Variants in CACNA1C observed in about 807,000 individuals in gnomAD.
The protein encoded by CACNA1C is calcium voltage-gated channel subunit alpha1 C.
In CACNA1C, 30 loss-of-function variants were observed where a neutral mutation model predicts 229.0. That is an observed-to-expected ratio of 0.13 (90% CI 0.10 to 0.18). The LOEUF (loss-of-function observed/expected upper bound fraction) is 0.18, where lower values mean the gene tolerates loss of function less well. CACNA1C is among the 10% of genes least tolerant of loss of function. CACNA1C has a pLI of 1.00. For synonymous variants in CACNA1C, 1,114 were observed against 1,132.5 expected (o/e 0.98, Z 0.33); for missense variants, 1,658 against 2,845.0 (o/e 0.58, Z 9.49).
intron 3 of CACNA1C, among the ~76,000 whole-genome samples, chr12:2,276,934 C>G (rs1007521103): frequency 6.6e-6 from 1 of 152,102 alleles, no homozygotes; most frequent in African/African-American, 2.4e-5. Context: ...GACATAAACT[C>G]TAGCTACTCC....
At chr12:2,557,070 G>T in intron 11 of CACNA1C, 93 bp downstream of exon 11, 1 of 989,750 alleles carries the variant, frequency 1.0e-6, no homozygotes, top group Non-Finnish European at 1.6e-6. Context: ...CCTACAAGTT[G>T]CCAGTAGTGT....
intron 3 of CACNA1C, among the ~76,000 whole-genome samples, chr12:2,177,587 C>CCCTCCCTCCCTCCCTCCCTCCCT (rs750852324): frequency 7.6e-5 from 6 of 78,524 alleles, no homozygotes; most frequent in African/African-American, 3.6e-4. Context: ...CTCCCTCCCT[C>CCCTCCCTCCCTCCCTCCCTCCCT]CCTTCCTTCC....
intron 3 of CACNA1C, among the ~76,000 whole-genome samples, chr12:2,247,220 C>G (rs963487409): frequency 7.2e-5 from 11 of 152,124 alleles, no homozygotes; most frequent in African/African-American, 2.7e-4. Context: ...TAACCTTGCT[C>G]TCTCTATATG....
chr12:2,697,746 G>C lies in CACNA1C; in HGVS notation c.*6547G>C, dbSNP rs1014619133. On this transcript the variant is annotated 3_prime_UTR_variant, in exon 47 of 47. Coordinates refer to ENST00000399655, the MANE Select transcript of CACNA1C (RefSeq NM_000719.7). ...AAATAATCCCATTGTCAGAGGCCTC[G>C]CCTGATGGGCCTTCTCACCCTCGAG... The C allele has an allele frequency of 2.0e-5, 3 of 152,244 alleles. No individual in the cohort carries two copies. The highest frequency in any genetic ancestry group is 4.4e-5 in the Non-Finnish European group (3 of 68,026). 9.4% of individuals were successfully genotyped at this position (152,244 alleles called of 1,614,324 possible).
rs1049198507 is a variant in CACNA1C, at chr12:2,692,892, T to A, written c.*1693T>A. The A allele has an allele frequency of 6.6e-6, 1 of 152,646 alleles. No homozygotes were observed. Among genetic ancestry groups the A allele is most frequent in the African/African-American group, 2.4e-5 (1 of 41,454 alleles). 9.5% of individuals were successfully genotyped at this position (152,646 alleles called of 1,614,324 possible). On this transcript the variant is annotated 3_prime_UTR_variant, in exon 47 of 47. Transcript: ENST00000399655. ...GTTTTCGGATTCACTTCTTGTATAT[T>A]TTGCTGCATGTAAAGTAAATCATTT...
intron 1 of CACNA1C, among the ~76,000 whole-genome samples, chr12:2,000,233 T>G (rs1184953342): frequency 6.6e-6 from 1 of 152,210 alleles, no homozygotes; most frequent in East Asian, 1.9e-4. Flanking sequence ...ATTACATTGT[T>G]AGGAAACTGA....
Position 2,181,170 on chromosome 12 carries a change from G to A in CACNA1C, c.477+60740G>A, listed in dbSNP as rs550071909. Among the ~76,000 whole-genome samples, 48 of 152,226 alleles carry A rather than the reference G, an allele frequency of 3.2e-4. No individual in the cohort carries two copies. The highest frequency in any genetic ancestry group is 2.1e-3 in the East Asian group (11 of 5,188). Reference sequence around the variant, plus strand: ...TGGACAGGAGAGCCCAGTCCGTGACGGCGGTAACAATGATCATTACTACCT... The same window carrying A: ...TGGACAGGAGAGCCCAGTCCGTGACAGCGGTAACAATGATCATTACTACCT... On this transcript the variant is annotated intron_variant, in intron 3 of 46. Transcript: ENST00000399655. This position sits in a 1 kb window ranked among gnomAD's most constrained non-coding sequence, Gnocchi z 4.0.
intron 3 of CACNA1C, among the ~76,000 whole-genome samples, chr12:2,270,177 C>A (rs1001934269): frequency 1.3e-5 from 2 of 152,198 alleles, no homozygotes; most frequent in East Asian, 3.9e-4. Context: ...TCTTGTTTAG[C>A]CAACTCTAGA....
Position 2,348,611 on chromosome 12 carries a change from C to T in CACNA1C, c.478-100365C>T, listed in dbSNP as rs966698501. ...TTAAGGCCTGGTTATGTTTAGAAGC[C>T]GTCCAGAGAATGTTTGGCATGCTGA... On this transcript the variant is annotated intron_variant, in intron 3 of 46. Transcript: ENST00000399655. The surrounding 1 kb of genome is among the most constrained non-coding windows in gnomAD (Gnocchi z 4.7). 3.9e-5 allele frequency among the ~76,000 whole-genome samples: 6 copies of T among 152,116 alleles called. No homozygotes were observed. The highest frequency in any genetic ancestry group is 1.3e-4 in the Admixed American group (2 of 15,272).
rs2096951713 is a variant in CACNA1C, at chr12:2,678,693, G to A, written c.5092-751G>A. 6.6e-6 allele frequency among the ~76,000 whole-genome samples: 1 copy of A among 152,156 alleles called. No homozygotes were observed. The highest frequency in any genetic ancestry group is 1.5e-5 in the Non-Finnish European group (1 of 68,022). Reference sequence around the variant, plus strand: ...TCCTCATCCTTATTCTTGTCACTGGGAGACATTCGTCACTGAGTGGCCTCA... The same window carrying A: ...TCCTCATCCTTATTCTTGTCACTGGAAGACATTCGTCACTGAGTGGCCTCA... On this transcript the variant is annotated intron_variant, in intron 41 of 46. Transcript: ENST00000399655. The surrounding 1 kb of genome is among the most constrained non-coding windows in gnomAD (Gnocchi z 4.1).
In CACNA1C at chr12:2,504,763, T is replaced by C; in HGVS notation, c.1114-79T>C. The C allele has an allele frequency of 1.1e-6, 1 of 903,886 alleles. No individual in the cohort carries two copies. The allele number at this position is 903,886 out of a possible 1,614,324, so 56.0% of individuals were successfully genotyped here. A position where few individuals can be genotyped will look rare whatever the true frequency, so the allele number is the denominator to read the frequency against. On this transcript the variant is annotated intron_variant, in intron 7 of 46. Transcript: ENST00000399655. The surrounding 1 kb of genome is among the most constrained non-coding windows in gnomAD (Gnocchi z 6.8). ...CGGATCCTGGCGCTGCGTGGGTCAG[T>C]GTCTCGGGAGCCGGGGACCGGCACT...
chr12:2,679,813 C>T lies in CACNA1C; in HGVS notation c.5444+17C>T. 6.6e-7 allele frequency: 1 copy of T among 1,517,980 alleles called. No homozygotes were observed. 94.0% of individuals were successfully genotyped at this position (1,517,980 alleles called of 1,614,324 possible). A position where few individuals can be genotyped will look rare whatever the true frequency, so the allele number is the denominator to read the frequency against. ...CTCCAACAGGTAAGTGGGAGGCTGG[C>T]CACCCCAGGCGGCACACAGGGCCCA... On this transcript the variant is annotated intron_variant, in intron 42 of 46. Transcript: ENST00000399655. This position sits in a 1 kb window ranked among gnomAD's most constrained non-coding sequence, Gnocchi z 5.5.
Position 2,691,262 on chromosome 12 carries a change from G to T in CACNA1C, c.*63G>T. 1 of 1,432,900 alleles carries T rather than the reference G, an allele frequency of 7.0e-7. No individual in the cohort carries two copies. The highest frequency in any genetic ancestry group is 9.3e-7 in the Non-Finnish European group (1 of 1,077,772). The allele number at this position is 1,432,900 out of a possible 1,614,324, so 88.8% of individuals were successfully genotyped here. A position where few individuals can be genotyped will look rare whatever the true frequency, so the allele number is the denominator to read the frequency against. ...CAATGTTCCTAATGGGTTCGTTTCA[G>T]AAGTGCCTCACTGTTCTCGTGACCT... On this transcript the variant is annotated 3_prime_UTR_variant, in exon 47 of 47. Coordinates refer to ENST00000399655, the MANE Select transcript of CACNA1C (RefSeq NM_000719.7).
At chr12:2,213,813 G>A (rs968855193) in intron 3 of CACNA1C, among the ~76,000 whole-genome samples, 3 of 152,218 alleles carry the variant, frequency 2.0e-5, no homozygotes, top group Non-Finnish European at 4.4e-5. Context: ...CTCTCTTCAC[G>A]GATGGGCTGC....
chr12:2,197,326 C>T (rs982905188), intron 3 of CACNA1C, among the ~76,000 whole-genome samples: 1 of 152,186 alleles, frequency 6.6e-6, no homozygotes, highest in Non-Finnish European at 1.5e-5. Context: ...CTCCTTGCTG[C>T]CCCCATCCCC....
At position 2,696,455 on chromosome 12, in the gene CACNA1C, C is replaced by T. The variant is rs995872254; in HGVS notation, c.*5256C>T. ...ACACCCCCACCTTTTCAGGGCATCC[C>T]ATGCACTCCACTTCTCAGGATCTAA... On this transcript the variant is annotated 3_prime_UTR_variant, in exon 47 of 47. Transcript: ENST00000399655. The T allele has an allele frequency of 2.0e-5, 3 of 152,158 alleles. No homozygotes were observed. Among genetic ancestry groups the T allele is most frequent in the Admixed American group, 2.0e-4 (3 of 15,286 alleles). 9.4% of individuals were successfully genotyped at this position (152,158 alleles called of 1,614,324 possible).
intron 1 of CACNA1C, among the ~76,000 whole-genome samples, chr12:2,077,139 G>A (rs544884398): frequency 6.6e-6 from 1 of 152,262 alleles, no homozygotes; most frequent in Non-Finnish European, 1.5e-5. Flanking sequence ...AGCTGCATGT[G>A]TGAGTATGTG....
intron 3 of CACNA1C, among the ~76,000 whole-genome samples, chr12:2,128,277 G>T (rs145143302): frequency 6.6e-6 from 1 of 152,222 alleles, no homozygotes; most frequent in Non-Finnish European, 1.5e-5. Context: ...ATCCAATGAA[G>T]TATATGTGAA....
Position 1,971,050 on chromosome 12 carries a change from C to A in CACNA1C, c.-13C>A. The A allele has an allele frequency of 7.8e-7, 1 of 1,281,470 alleles. No individual in the cohort carries two copies. Among genetic ancestry groups the A allele is most frequent in the Non-Finnish European group, 1.0e-6 (1 of 984,272 alleles). The allele number at this position is 1,281,470 out of a possible 1,614,324, so 79.4% of individuals were successfully genotyped here. A position where few individuals can be genotyped will look rare whatever the true frequency, so the allele number is the denominator to read the frequency against. On this transcript the variant is annotated 5_prime_UTR_variant, in exon 1 of 47. Coordinates refer to the CACNA1C transcript ENST00000682462. This position sits in a 1 kb window ranked among gnomAD's most constrained non-coding sequence, Gnocchi z 4.2. ...TAAAAATCAACCAATTAATATACAT[C>A]TGGAAATTCACAATGCTTCGAGCCT...
Sources: gnomAD v4.1 joint callset for allele counts (sites outside exome capture counted in the v4.1 genomes callset) on GRCh38, gnomAD v4.1.1 for gene constraint, Gnocchi (gnomAD v3.1) non-coding constraint, MANE v1.5 for transcripts, NCBI Gene and HGNC (gene_info 2026-07-23, HGNC 2026-07-21) for gene names.